The following PPP1R3A variants were observed in gnomAD, a reference collection of about 807,000 sequenced individuals.
PPP1R3A encodes protein phosphatase 1 regulatory subunit 3A, also known as RG1.
A neutral mutation model predicts 41.7 loss-of-function variants in PPP1R3A; 29 were observed. The observed-to-expected ratio is 0.70, with a 90% confidence interval of 0.52 to 0.95. The LOEUF (loss-of-function observed/expected upper bound fraction) is 0.95, where lower values mean the gene tolerates loss of function less well. Ranked by LOEUF, PPP1R3A falls within the 40% of genes least tolerant of loss-of-function variation. The probability of loss-of-function intolerance (pLI) is 0.00; values close to 1 mark genes in which losing one functional copy is unlikely to be tolerated. For missense variants in PPP1R3A, 1,352 were observed against 1,292.4 expected (o/e 1.05, Z -0.71); for synonymous variants, 485 against 453.4 (o/e 1.07, Z -0.89).
In PPP1R3A at chr7:113,878,730, A is replaced by C. The variant is rs1177676887; in HGVS notation, c.2362T>G (p.Cys788Gly). 2 of 1,613,496 alleles carry C rather than the reference A, an allele frequency of 1.2e-6. No individual in the cohort carries two copies. The highest frequency in any genetic ancestry group is 4.5e-5 in the East Asian group (2 of 44,846). Residue 788 changes from cysteine to glycine, a missense_variant, in exon 4 of 4, where the codon TGT becomes GGT. Cys to Gly is a radical substitution (Grantham distance 159). Coordinates refer to ENST00000284601, the MANE Select transcript of PPP1R3A (RefSeq NM_002711.4). ...GRNDDSHYTL[C>G]QRDTVGVIYD... The stretch of plus-strand genomic sequence containing the variant: ...ATTACACCTACTGTATCTCGTTGAC[A>C]AAGGGTATAATGTGAATCATCATTT...
In PPP1R3A at chr7:113,879,984, A is replaced by G; in HGVS notation, c.1108T>C (p.Phe370Leu). ...GAACTTGGAGACAGAGACCTTTGGA[A>G]CAAGTCAGTACATATTTCACCATGG... is the stretch of plus-strand genomic sequence containing the variant. Reference protein sequence around the residue: ...QIHGEICTDLFQRSLSPSSSA... With the variant: ...QIHGEICTDLLQRSLSPSSSA... The change falls in exon 4 of 4, where the codon TTC becomes CTC. Residue 370 changes from phenylalanine (F) to leucine (L), a missense_variant. Coordinates refer to ENST00000284601, the MANE Select transcript of PPP1R3A (RefSeq NM_002711.4). The G allele has an allele frequency of 6.2e-7, 1 of 1,613,354 alleles. No homozygotes were observed. Among genetic ancestry groups the G allele is most frequent in the Non-Finnish European group, 8.5e-7 (1 of 1,179,510 alleles).
rs138064405 is a variant in PPP1R3A, at chr7:113,916,186, G to A, written c.782+2029C>T. Among the ~76,000 whole-genome samples, 364 of 152,134 alleles carry A rather than the reference G, an allele frequency of 2.4e-3. 3 individuals are homozygous for A. Among genetic ancestry groups the A allele is most frequent in the Middle Eastern group, 0.017 (5 of 294 alleles). ...TTTAAGTTACAGAAGTGCAGAAAAT[G>A]TATTTGTGGTTTTGAGGGAGAGAGA... On this transcript the variant is annotated intron_variant, in intron 1 of 3. Coordinates refer to ENST00000284601, the MANE Select transcript of PPP1R3A (RefSeq NM_002711.4).
In PPP1R3A at chr7:113,879,374, G is replaced by A; in HGVS notation, c.1718C>T (p.Pro573Leu). The A allele has an allele frequency of 1.2e-6, 2 of 1,613,558 alleles. No homozygotes were observed. The highest frequency in any genetic ancestry group is 1.7e-6 in the Non-Finnish European group (2 of 1,179,710). ...CACATCTGCTGTGATTGCCCGGGTG[G>A]GGATTGCGGTATGTTCGCTCAGCAG... is the stretch of plus-strand genomic sequence containing the variant. The part of the protein sequence containing the change: ...ATLLSEHTAI[P>L]TRAITADVSH... Residue 573 changes from proline (P) to leucine (L), a missense_variant, in exon 4 of 4, where the codon CCC becomes CTC. By Grantham distance (98) the Pro-to-Leu change is moderately conservative (BLOSUM62 -3). Transcript: ENST00000284601.
At chr7:113,889,007 C>G (rs1373297653) in intron 1 of PPP1R3A, among the ~76,000 whole-genome samples, 1 of 152,154 alleles carries the variant, frequency 6.6e-6, no homozygotes, top group Non-Finnish European at 1.5e-5. Flanking sequence ...CCTTTCATGT[C>G]AAAAACTTCA....
At chr7:113,890,813 T>C (rs1276260113) in intron 1 of PPP1R3A, among the ~76,000 whole-genome samples, 3 of 151,972 alleles carry the variant, frequency 2.0e-5, no homozygotes, top group Non-Finnish European at 4.4e-5. Flanking sequence ...AAAATGTGAG[T>C]TCTACAGACT....
chr7:113,918,472 T>C lies in PPP1R3A; in HGVS notation c.525A>G (p.Glu175=). The change falls in exon 1 of 4, where the codon GAA becomes GAG. Residue 175 remains glutamate, a synonymous_variant. Transcript: ENST00000284601. ...DWQTHYDILA[E]YVPNSCDGET... Reference sequence around the variant, plus strand: ...CACCATCACATGAATTAGGAACATATTCTGCTAAAATGTCATAATGTGTCT... The same window carrying C: ...CACCATCACATGAATTAGGAACATACTCTGCTAAAATGTCATAATGTGTCT... The C allele has an allele frequency of 1.2e-6, 2 of 1,613,308 alleles. No homozygotes were observed. Among genetic ancestry groups the C allele is most frequent in the South Asian group, 2.2e-5 (2 of 91,078 alleles).
chr7:113,887,047 C>T (rs1158475917), intron 1 of PPP1R3A, among the ~76,000 whole-genome samples: 1 of 152,104 alleles, frequency 6.6e-6, no homozygotes, highest in Admixed American at 6.6e-5. Context: ...CTCCCTTCTC[C>T]TCTCTACCTT....
At chr7:113,907,735 T>A (rs1270566609) in intron 1 of PPP1R3A, among the ~76,000 whole-genome samples, 1 of 151,846 alleles carries the variant, frequency 6.6e-6, no homozygotes, top group African/African-American at 2.4e-5. Flanking sequence ...TTATGAATGA[T>A]AAAATATAAT....
At chr7:113,895,881 C>T (rs1796967914) in intron 1 of PPP1R3A, among the ~76,000 whole-genome samples, 1 of 151,892 alleles carries the variant, frequency 6.6e-6, no homozygotes, top group Non-Finnish European at 1.5e-5. Flanking sequence ...TTACGTCACA[C>T]ATTAAAATCA....
Position 113,877,099 on chromosome 7 carries a change from T to G in PPP1R3A, c.*624A>C, listed in dbSNP as rs1165205499. 1 of 151,826 alleles carries G rather than the reference T, an allele frequency of 6.6e-6. No homozygotes were observed. The highest frequency in any genetic ancestry group is 2.1e-4 in the South Asian group (1 of 4,830). The allele number at this position is 151,826 out of a possible 1,614,324, so 9.4% of individuals were successfully genotyped here. On this transcript the variant is annotated 3_prime_UTR_variant, in exon 4 of 4. Coordinates refer to ENST00000284601, the MANE Select transcript of PPP1R3A (RefSeq NM_002711.4). ...ATTTTGCCTATGAACGCCCTGACTT[T>G]GTAGCTATAAAGAAGGTATGTGTGT...
In PPP1R3A at chr7:113,877,306, G is replaced by A. The variant is rs1182314147; in HGVS notation, c.*417C>T. Reference sequence around the variant, plus strand: ...TACTAAAAGACCAAAAAAGTCCTCTGCCATTGTCCATGTTTTATCTGTTTT... The same window carrying A: ...TACTAAAAGACCAAAAAAGTCCTCTACCATTGTCCATGTTTTATCTGTTTT... On this transcript the variant is annotated 3_prime_UTR_variant, in exon 4 of 4. Transcript: ENST00000284601. The A allele has an allele frequency of 1.9e-5, 3 of 154,898 alleles. No homozygotes were observed. The highest frequency in any genetic ancestry group is 7.2e-5 in the African/African-American group (3 of 41,470). 9.6% of individuals were successfully genotyped at this position (154,898 alleles called of 1,614,324 possible).
intron 1 of PPP1R3A, among the ~76,000 whole-genome samples, chr7:113,912,804 A>T (rs1797272775): frequency 6.6e-6 from 1 of 151,530 alleles, no homozygotes; most frequent in African/African-American, 2.4e-5. Flanking sequence ...GTGGGGAGGG[A>T]TAGGCTCTCA....
chr7:113,917,571 A>C (rs936893058), intron 1 of PPP1R3A, among the ~76,000 whole-genome samples: 1 of 152,046 alleles, frequency 6.6e-6, no homozygotes, highest in African/African-American at 2.4e-5. Flanking sequence ...ACTAAATTAT[A>C]CTAATTTGTG....
At chr7:113,894,414 G>C (rs1172582942) in intron 1 of PPP1R3A, among the ~76,000 whole-genome samples, 1 of 151,838 alleles carries the variant, frequency 6.6e-6, no homozygotes, top group Non-Finnish European at 1.5e-5. Flanking sequence ...AAAGTTATTG[G>C]CCTAAAGTCC....
Position 113,879,982 on chromosome 7 carries a change from G to A in PPP1R3A, c.1110C>T (p.Phe370=). 6.2e-7 allele frequency: 1 copy of A among 1,613,386 alleles called. No individual in the cohort carries two copies. The highest frequency in any genetic ancestry group is 8.5e-7 in the Non-Finnish European group (1 of 1,179,584). The part of the protein sequence containing the change: ...QIHGEICTDL[F]QRSLSPSSSA... Reference sequence around the variant, plus strand: ...ATGAACTTGGAGACAGAGACCTTTGGAACAAGTCAGTACATATTTCACCAT... The same window carrying A: ...ATGAACTTGGAGACAGAGACCTTTGAAACAAGTCAGTACATATTTCACCAT... The change falls in exon 4 of 4, where the codon TTC becomes TTT. Residue 370 remains phenylalanine, a synonymous_variant. Transcript: ENST00000284601.
chr7:113,898,121 T>C (rs1293875066), intron 1 of PPP1R3A, among the ~76,000 whole-genome samples: 2 of 151,886 alleles, frequency 1.3e-5, no homozygotes, highest in Admixed American at 6.6e-5. Context: ...AAATTCAGCA[T>C]GTGTTCATTC....
In PPP1R3A at chr7:113,879,708, T is replaced by C. The variant is rs1375845811; in HGVS notation, c.1384A>G (p.Met462Val). Residue 462 changes from methionine to valine, a missense_variant, in exon 4 of 4, where the codon ATG becomes GTG. Physicochemically the swap from Met to Val is conservative, Grantham distance 21. Coordinates refer to ENST00000284601, the MANE Select transcript of PPP1R3A (RefSeq NM_002711.4). ...TGTTTTTTATTAAGGTTTCCTGCCA[T>C]TAGTTGATCTGAAGAGGGGCAAGGT... ...QIPCPSSDQL[M>V]AGNLNKKHEG... The C allele has an allele frequency of 6.2e-7, 1 of 1,613,144 alleles. No individual in the cohort carries two copies. Among genetic ancestry groups the C allele is most frequent in the African/African-American group, 1.3e-5 (1 of 74,858 alleles).
intron 1 of PPP1R3A, among the ~76,000 whole-genome samples, chr7:113,906,731 C>T (rs1195852377): frequency 6.6e-6 from 1 of 151,736 alleles, no homozygotes; most frequent in African/African-American, 2.4e-5. Flanking sequence ...AACTATTTGG[C>T]ATTAATAGTT....
At chr7:113,887,955 G>A (rs1272791283) in intron 1 of PPP1R3A, among the ~76,000 whole-genome samples, 1 of 152,102 alleles carries the variant, frequency 6.6e-6, no homozygotes, top group African/African-American at 2.4e-5. Flanking sequence ...TTGAGCCTGG[G>A]AGGAGGAGGT....
Sources: allele counts gnomAD v4.1 joint callset (sites outside exome capture counted in the v4.1 genomes callset), GRCh38; gene constraint gnomAD v4.1.1; transcripts MANE v1.5; gene names NCBI Gene and HGNC (gene_info 2026-07-23, HGNC 2026-07-21).